Variants in WDFY3 observed in about 807,000 individuals in gnomAD.
WDFY3 encodes WD repeat and FYVE domain containing 3.
WDFY3 carries 66 observed loss-of-function variants against 409.6 expected under a neutral mutation model. The ratio of observed to expected loss-of-function variants is 0.16; its 90% CI spans 0.13 to 0.20. The LOEUF is 0.20. WDFY3 is among the 10% of genes least tolerant of loss of function. The pLI, the probability that WDFY3 is intolerant of heterozygous loss-of-function variation, is 1.00. For synonymous variants in WDFY3, 1,521 were observed against 1,537.1 expected (o/e 0.99, Z 0.25); for missense variants, 3,031 against 4,298.1 (o/e 0.71, Z 8.24).
chr4:84,919,174 A>G (rs1768925832), intron 2 of WDFY3, among the ~76,000 whole-genome samples: 1 of 152,174 alleles, frequency 6.6e-6, no homozygotes, highest in South Asian at 2.1e-4. Flanking sequence ...GCTCCAAAAT[A>G]TTTAACAGTA....
At chr4:84,727,763 T>C (rs1271582015) in intron 44 of WDFY3, among the ~76,000 whole-genome samples, 1 of 152,196 alleles carries the variant, frequency 6.6e-6, no homozygotes, top group East Asian at 1.9e-4. Flanking sequence ...AGGCAAAATG[T>C]TTTCACAAAT....
intron 62 of WDFY3, among the ~76,000 whole-genome samples, chr4:84,685,389 CA>C (rs1215550874): frequency 6.6e-6 from 1 of 152,150 alleles, no homozygotes; most frequent in African/African-American, 2.4e-5. Flanking sequence ...CTTCTTCTAC[CA>C]AAATGGCAAG....
At chr4:84,827,152 T>C (rs1754982974) in intron 9 of WDFY3, among the ~76,000 whole-genome samples, 171 bp from the exon 10 acceptor site, 2 of 151,720 alleles carry the variant, frequency 1.3e-5, no homozygotes, top group African/African-American at 4.8e-5. Flanking sequence ...ACGGCTTTCC[T>C]GAGAACACAA....
In WDFY3 at chr4:84,908,703, T is replaced by C. The variant is rs187468267; in HGVS notation, c.-131-11693A>G. 1.4e-4 allele frequency among the ~76,000 whole-genome samples: 21 copies of C among 152,226 alleles called. No individual in the cohort carries two copies. The East Asian group carries it at 4.1e-3, about 29-fold the overall frequency. On this transcript the variant is annotated intron_variant, in intron 2 of 67. Transcript: ENST00000295888. Reference sequence around the variant, plus strand: ...AGCTCTTTTTCTTTCCCTTTTAGAATAAAGGGATCAAGGAGATACTGTATT... The same window carrying C: ...AGCTCTTTTTCTTTCCCTTTTAGAACAAAGGGATCAAGGAGATACTGTATT...
intron 1 of WDFY3, among the ~76,000 whole-genome samples, chr4:84,937,884 C>T (rs1449483577): frequency 1.3e-5 from 2 of 152,056 alleles, no homozygotes; most frequent in Admixed American, 6.6e-5. Flanking sequence ...TAGACCCTTC[C>T]TTATCTGTGT....
intron 24 of WDFY3, among the ~76,000 whole-genome samples, chr4:84,783,924 T>C (rs1465241857): frequency 6.6e-6 from 1 of 151,520 alleles, no homozygotes; most frequent in Non-Finnish European, 1.5e-5. Context: ...GAGTTGTCAA[T>C]ACTTACAGTT....
At chr4:84,839,403 T>C (rs532624181) in intron 6 of WDFY3, among the ~76,000 whole-genome samples, 11 of 152,022 alleles carry the variant, frequency 7.2e-5, no homozygotes, top group South Asian at 2.1e-4. Flanking sequence ...ATGAAAACAA[T>C]GGTCTACTCT....
Position 84,817,513 on chromosome 4 carries a change from G to A in WDFY3, c.1766C>T (p.Ala589Val), listed in dbSNP as rs770234309. The change falls in exon 13 of 68, where the codon GCC (alanine) becomes GTC (valine). Residue 589 changes from alanine to valine, a missense_variant. Ala to Val is a moderately conservative substitution (Grantham distance 64). This residue lies in a region of WDFY3 where 1,322 missense variants were observed against 1,697.9 expected (regional missense o/e 0.78). Coordinates refer to ENST00000295888, the MANE Select transcript of WDFY3 (RefSeq NM_014991.6). The part of the protein sequence containing the change: ...IVKYPQCRQH[A>V]LMTIQQLVLS... ...CACCAGCTGTTGGATAGTCATCAAGGCATGCTGCCGGCATTGAGGGTACTT... is the reference window on the plus strand; with the variant it reads ...CACCAGCTGTTGGATAGTCATCAAGACATGCTGCCGGCATTGAGGGTACTT... The A allele has an allele frequency of 1.9e-6, 3 of 1,613,694 alleles. No homozygotes were observed. The highest frequency in any genetic ancestry group is 1.7e-6 in the Non-Finnish European group (2 of 1,179,808).
chr4:84,937,028 G>C (rs902358270), intron 1 of WDFY3, among the ~76,000 whole-genome samples: 1 of 151,958 alleles, frequency 6.6e-6, no homozygotes, highest in Non-Finnish European at 1.5e-5. Context: ...AAAACCTCTC[G>C]ACTCCTTATA....
At chr4:84,851,596 T>C (rs1188795914) in intron 4 of WDFY3, among the ~76,000 whole-genome samples, 2 of 152,048 alleles carry the variant, frequency 1.3e-5, no homozygotes, top group East Asian at 1.9e-4. Flanking sequence ...GAAAACTAAA[T>C]AAAAATCTAA....
At chr4:84,862,619 T>C (rs1760797036) in intron 3 of WDFY3, among the ~76,000 whole-genome samples, 1 of 152,158 alleles carries the variant, frequency 6.6e-6, no homozygotes. Context: ...TTCCTTACCC[T>C]GTAGCTAGAG....
intron 3 of WDFY3, among the ~76,000 whole-genome samples, chr4:84,880,064 G>A (rs1302558363): frequency 6.6e-6 from 1 of 152,190 alleles, no homozygotes; most frequent in Non-Finnish European, 1.5e-5. Flanking sequence ...GCAATGGGGA[G>A]ATTATTCTAT....
intron 2 of WDFY3, among the ~76,000 whole-genome samples, chr4:84,921,638 T>C (rs1366762533): frequency 2.0e-5 from 3 of 149,834 alleles, no homozygotes; most frequent in African/African-American, 7.3e-5. Flanking sequence ...CAAGTCTCTA[T>C]TGCTTTCATT....
intron 1 of WDFY3, among the ~76,000 whole-genome samples, chr4:84,956,813 G>GTCTCCATA (rs1174700525): frequency 6.6e-6 from 1 of 152,030 alleles, no homozygotes; most frequent in Non-Finnish European, 1.5e-5. Flanking sequence ...AAAAAGGGTT[G>GTCTCCATA]TCTCCATACA....
At chr4:84,887,085 A>C (rs1379765021) in intron 3 of WDFY3, among the ~76,000 whole-genome samples, 1 of 152,176 alleles carries the variant, frequency 6.6e-6, no homozygotes, top group Non-Finnish European at 1.5e-5. Flanking sequence ...TGGCATTTAC[A>C]CCATGTGCCA....
Position 84,678,933 on chromosome 4 carries a change from C to T in WDFY3, c.10133G>A (p.Ser3378Asn), listed in dbSNP as rs780427093. 4.3e-6 allele frequency: 7 copies of T among 1,612,504 alleles called. No individual in the cohort carries two copies. The East Asian group carries it at 6.7e-5, about 15-fold the overall frequency. Residue 3378 changes from serine (S) to asparagine (N), a missense_variant, in exon 65 of 68, where the codon AGC becomes AAC. Coordinates refer to ENST00000295888, the MANE Select transcript of WDFY3 (RefSeq NM_014991.6). ...HPNPIEVRNY[S>N]RLKPGYRWER... ...CTTCAAGTTACCAGGTTTCAATCTG[C>T]TGTAATTCCGCACCTCAATGGGATT...
chr4:84,698,257 CT>C (rs1457728508), intron 56 of WDFY3, among the ~76,000 whole-genome samples: 2 of 150,366 alleles, frequency 1.3e-5, no homozygotes, highest in African/African-American at 4.9e-5. Flanking sequence ...GCAGGAAAGC[CT>C]TTGTCTAATT....
intron 22 of WDFY3, 105 bp from the exon 23 acceptor site, chr4:84,787,818 C>G: frequency 9.8e-7 from 1 of 1,019,080 alleles, no homozygotes; most frequent in Non-Finnish European, 1.4e-6. Context: ...CACAACTTTA[C>G]AAATGCACAA....
Position 84,966,682 on chromosome 4 carries a change from T to G in WDFY3, c.-699A>C, listed in dbSNP as rs140577986. The G allele has an allele frequency of 6.4e-6, 1 of 156,212 alleles. No homozygotes were observed. The highest frequency in any genetic ancestry group is 1.4e-5 in the Non-Finnish European group (1 of 69,574). 9.7% of individuals were successfully genotyped at this position (156,212 alleles called of 1,614,324 possible). On this transcript the variant is annotated 5_prime_UTR_variant, in exon 1 of 68. Coordinates refer to ENST00000295888, the MANE Select transcript of WDFY3 (RefSeq NM_014991.6). ...TCCTCCTGCTTTCTCCACCTCCCGC[T>G]GGCTGTCTGACTGACTGACTGGATC...
Sources: gnomAD v4.1 joint callset for allele counts (sites outside exome capture counted in the v4.1 genomes callset) on GRCh38, gnomAD v4.1.1 for gene constraint, gnomAD v4.1.1 regional missense constraint, MANE v1.5 for transcripts, NCBI Gene and HGNC (gene_info 2026-07-23, HGNC 2026-07-21) for gene names.